Variants in GNAI3 observed in about 807,000 individuals in gnomAD.
GNAI3 encodes the protein G protein subunit alpha i3.
A neutral mutation model predicts 41.8 loss-of-function variants in GNAI3; 12 were observed. That is an observed-to-expected ratio of 0.29 (90% CI 0.18 to 0.47). The LOEUF (loss-of-function observed/expected upper bound fraction) is 0.47. Among genes scored for constraint, GNAI3 ranks in the 20% least tolerant of loss-of-function variants. GNAI3 has a pLI of 1.00. For synonymous variants in GNAI3, 132 were observed against 146.5 expected (o/e 0.90, Z 0.71); for missense variants, 360 against 429.6 (o/e 0.84, Z 1.43).
chr1:109,564,603 C>A (rs1648403298), intron 1 of GNAI3, among the ~76,000 whole-genome samples: 1 of 152,054 alleles, frequency 6.6e-6, no homozygotes, highest in African/African-American at 2.4e-5. Context: ...GTGCAGATTC[C>A]TCAGATAATC....
intron 1 of GNAI3, among the ~76,000 whole-genome samples, chr1:109,558,277 G>A (rs1422013067): frequency 6.6e-6 from 1 of 151,992 alleles, no homozygotes; most frequent in East Asian, 1.9e-4. Context: ...ACAAAAATTA[G>A]CCAGGCGTGG....
At chr1:109,566,092 T>A (rs555373901) in intron 1 of GNAI3, among the ~76,000 whole-genome samples, 2 of 152,276 alleles carry the variant, frequency 1.3e-5, no homozygotes, top group Non-Finnish European at 2.9e-5. Context: ...AATTAACCTC[T>A]TGAACTGATG....
At chr1:109,579,173 C>T in intron 3 of GNAI3, 31 bp from the exon 4 acceptor site, 1 of 1,566,936 alleles carries the variant, frequency 6.4e-7, no homozygotes, top group South Asian at 1.2e-5. Flanking sequence ...AATGGAGAGT[C>T]ATCTGTCTCT....
intron 7 of GNAI3, among the ~76,000 whole-genome samples, chr1:109,587,685 T>C (rs1187547393): frequency 6.6e-6 from 1 of 152,166 alleles, no homozygotes; most frequent in East Asian, 1.9e-4. Context: ...GGGCCTTATA[T>C]CTCATGCTGA....
intron 1 of GNAI3, among the ~76,000 whole-genome samples, chr1:109,551,673 G>A (rs989942646): frequency 4.6e-5 from 7 of 152,182 alleles, no homozygotes; most frequent in African/African-American, 1.4e-4. Flanking sequence ...ATAATGTAAA[G>A]CAGAACACAG....
Position 109,574,018 on chromosome 1 carries a change from T to C in GNAI3, c.284T>C (p.Phe95Ser). The change falls in exon 3 of 9, where the codon TTT (phenylalanine) becomes TCT (serine). Residue 95 changes from phenylalanine (F) to serine (S), a missense_variant. Physicochemically the swap from Phe to Ser is radical, Grantham distance 155. Transcript: ENST00000369851. ...GCCATGGGACGGCTAAAGATTGACT[T>C]TGGGGAAGCTGCCAGGGCAGTAAGT... Reference protein sequence around the residue: ...IRAMGRLKIDFGEAARADDAR... With the variant: ...IRAMGRLKIDSGEAARADDAR... 2 of 1,611,820 alleles carry C rather than the reference T, an allele frequency of 1.2e-6. No homozygotes were observed. The highest frequency in any genetic ancestry group is 1.7e-6 in the Non-Finnish European group (2 of 1,178,718).
chr1:109,586,435 C>A, intron 6 of GNAI3, 90 bp downstream of exon 6: 2 of 1,281,204 alleles, frequency 1.6e-6, no homozygotes, highest in South Asian at 1.4e-5. Flanking sequence ...TCCATTTCCT[C>A]ATTCAACCAA....
rs1213847303 is a variant in GNAI3, at chr1:109,592,902, A to G, written c.*580A>G. The G allele has an allele frequency of 1.3e-5, 2 of 152,736 alleles. No individual in the cohort carries two copies. The highest frequency in any genetic ancestry group is 3.9e-4 in the East Asian group (2 of 5,182). The allele number at this position is 152,736 out of a possible 1,614,324, so 9.5% of individuals were successfully genotyped here. On this transcript the variant is annotated 3_prime_UTR_variant, in exon 9 of 9. Coordinates refer to ENST00000369851, the MANE Select transcript of GNAI3 (RefSeq NM_006496.4). ...ATAATTCTTTCCGGTTACTGGGGCT[A>G]TAAATACAACTTTTTAAATGAAATT...
At chr1:109,553,774 T>C (rs984025078) in intron 1 of GNAI3, among the ~76,000 whole-genome samples, 4 of 152,206 alleles carry the variant, frequency 2.6e-5, no homozygotes, top group Non-Finnish European at 5.9e-5. Context: ...ATAAGTTTAG[T>C]GGCAATTTCT....
intron 1 of GNAI3, 111 bp downstream of exon 1, chr1:109,548,949 G>A: frequency 1.5e-6 from 1 of 676,298 alleles, no homozygotes; most frequent in South Asian, 1.8e-5. Flanking sequence ...GGATCTGGAG[G>A]GCGTGCCGGG....
At chr1:109,579,427 C>G in intron 4 of GNAI3, 66 bp downstream of exon 4, 1 of 1,136,702 alleles carries the variant, frequency 8.8e-7, no homozygotes, top group Non-Finnish European at 1.3e-6. Flanking sequence ...AAATTTTAGT[C>G]CCCACTTAAG....
intron 4 of GNAI3, among the ~76,000 whole-genome samples, chr1:109,580,923 G>C (rs1172269008): frequency 6.6e-6 from 1 of 152,164 alleles, no homozygotes; most frequent in African/African-American, 2.4e-5. Context: ...CAGGATTCTT[G>C]CCTACCTTTT....
At position 109,562,292 on chromosome 1, in the gene GNAI3, G is replaced by A. The variant is rs1474880407; in HGVS notation, c.119-11445G>A. On this transcript the variant is annotated intron_variant, in intron 1 of 8. Coordinates refer to ENST00000369851, the MANE Select transcript of GNAI3 (RefSeq NM_006496.4). ...TTAGGTATTATAAGTAATCTAGAGAGGATTTAAACTGTACAGCAGAATGTG... is the reference window on the plus strand; with the variant it reads ...TTAGGTATTATAAGTAATCTAGAGAAGATTTAAACTGTACAGCAGAATGTG... Among the ~76,000 whole-genome samples, 4 of 152,192 alleles carry A rather than the reference G, an allele frequency of 2.6e-5. No homozygotes were observed. In the East Asian group the frequency reaches 7.7e-4, roughly 29 times the overall value.
intron 7 of GNAI3, 63 bp downstream of exon 7, chr1:109,586,945 C>T (rs1424016338): frequency 2.6e-6 from 3 of 1,133,708 alleles, no homozygotes; most frequent in Non-Finnish European, 3.9e-6. Context: ...ACTTTGGTGG[C>T]ATTCATAAAA....
chr1:109,558,329 A>G (rs1381143543), intron 1 of GNAI3, among the ~76,000 whole-genome samples: 1 of 152,148 alleles, frequency 6.6e-6, no homozygotes, highest in Non-Finnish European at 1.5e-5. Context: ...AGGCTGAGGC[A>G]TGAGAATCGC....
At chr1:109,562,305 A>G (rs1230407619) in intron 1 of GNAI3, among the ~76,000 whole-genome samples, 3 of 152,208 alleles carry the variant, frequency 2.0e-5, no homozygotes, top group African/African-American at 7.2e-5. Context: ...TTTAAACTGT[A>G]CAGCAGAATG....
chr1:109,555,959 CGTGCGT>C (rs763133522), intron 1 of GNAI3, among the ~76,000 whole-genome samples: 17 of 96,844 alleles, frequency 1.8e-4, no homozygotes, highest in East Asian at 1.1e-3. Flanking sequence ...GGAGTGCGTG[CGTGCGT>C]GTGTGTGTGT....
intron 1 of GNAI3, among the ~76,000 whole-genome samples, chr1:109,557,090 C>T (rs114097961): frequency 0.016 from 2,473 of 152,192 alleles, 51 homozygotes; most frequent in African/African-American, 0.052. Flanking sequence ...TGTGCACCAC[C>T]GTGCCCAGCT....
chr1:109,549,959 A>G (rs111532042), intron 1 of GNAI3, among the ~76,000 whole-genome samples: 4 of 152,152 alleles, frequency 2.6e-5, no homozygotes, highest in African/African-American at 9.7e-5. Context: ...ATTATTAGTG[A>G]AGATTTTCTA....
Sources: allele counts gnomAD v4.1 joint callset (sites outside exome capture counted in the v4.1 genomes callset), GRCh38; gene constraint gnomAD v4.1.1; transcripts MANE v1.5; gene names NCBI Gene and HGNC (gene_info 2026-07-23, HGNC 2026-07-21).